ZNF521: variants seen among roughly 807,000 people sequenced by gnomAD.
ZNF521 encodes the protein zinc finger protein 521.
A neutral mutation model predicts 105.5 loss-of-function variants in ZNF521; 14 were observed. That is an observed-to-expected ratio of 0.13 (90% confidence interval 0.09 to 0.21). The LOEUF (loss-of-function observed/expected upper bound fraction) is 0.21, where lower values mean the gene tolerates loss of function less well. Among genes scored for constraint, ZNF521 ranks in the 10% least tolerant of loss-of-function variants. ZNF521 has a pLI of 1.00. For synonymous variants in ZNF521, 635 were observed against 606.0 expected, an observed-to-expected ratio of 1.05 and a Z score of -0.70; for missense variants, 1,233 against 1,629.7, an observed-to-expected ratio of 0.76 and a Z score of 4.19.
intron 5 of ZNF521, among the ~76,000 whole-genome samples, chr18:25,186,849 CCTTGT>C (rs2035730307): frequency 1.4e-5 from 2 of 147,850 alleles, no homozygotes; most frequent in South Asian, 4.2e-4. Context: ...GAGATAAAAA[CCTTGT>C]CTAGTAGAAA....
At chr18:25,301,556 T>C (rs1911642187) in intron 3 of ZNF521, among the ~76,000 whole-genome samples, 1 of 152,244 alleles carries the variant, frequency 6.6e-6, no homozygotes. Context: ...CCTCAAAGCC[T>C]GCTTTCATGC....
At chr18:25,195,045 T>C in intron 5 of ZNF521, 115 bp downstream of exon 5, 1 of 847,980 alleles carries the variant, frequency 1.2e-6, no homozygotes, top group Non-Finnish European at 1.8e-6. Context: ...AAATCAATCA[T>C]GCCGAGGAAA....
At chr18:25,336,001 C>G (rs1486151659) in intron 2 of ZNF521, among the ~76,000 whole-genome samples, 1 of 152,120 alleles carries the variant, frequency 6.6e-6, no homozygotes, top group Non-Finnish European at 1.5e-5. Flanking sequence ...TTAAAACAAC[C>G]TGAACAGTTA....
At chr18:25,248,593 C>G (rs1907895926) in intron 3 of ZNF521, among the ~76,000 whole-genome samples, 1 of 152,162 alleles carries the variant, frequency 6.6e-6, no homozygotes, top group Non-Finnish European at 1.5e-5. Context: ...ATCCTGTGTA[C>G]TTTTCTAGCT....
chr18:25,110,953 G>A (rs1173150942), intron 5 of ZNF521, among the ~76,000 whole-genome samples: 2 of 151,824 alleles, frequency 1.3e-5, no homozygotes, highest in Non-Finnish European at 2.9e-5. Context: ...AGTAGAGATG[G>A]GGTTTCACCA....
chr18:25,156,622 C>T (rs2035149964), intron 5 of ZNF521, among the ~76,000 whole-genome samples: 3 of 152,152 alleles, frequency 2.0e-5, no homozygotes, highest in Admixed American at 2.0e-4. Flanking sequence ...TTTTCTTCAT[C>T]TGATGACTGT....
At chr18:25,151,452 C>T (rs1180231568) in intron 5 of ZNF521, among the ~76,000 whole-genome samples, 1 of 152,122 alleles carries the variant, frequency 6.6e-6, no homozygotes, top group East Asian at 1.9e-4. Context: ...AGAAAAATAA[C>T]ATTCTGTTTA....
chr18:25,256,165 A>T lies in ZNF521; in HGVS notation c.221-28468T>A, dbSNP rs186517930. Among the ~76,000 whole-genome samples the T allele has an allele frequency of 2.6e-5, 4 of 152,000 alleles. No individual in the cohort carries two copies. In the East Asian group the frequency reaches 7.7e-4, roughly 29 times the overall value. On this transcript the variant is annotated intron_variant, in intron 3 of 7. Coordinates refer to ENST00000361524, the MANE Select transcript of ZNF521 (RefSeq NM_015461.3). ...AAGTGGAAAGTGCCAATATGAATAG[A>T]CAAATACCATATGATTCCAGTTATA...
intron 5 of ZNF521, among the ~76,000 whole-genome samples, chr18:25,096,854 G>C (rs183006059): frequency 6.6e-6 from 1 of 152,114 alleles, no homozygotes; most frequent in African/African-American, 2.4e-5. Flanking sequence ...CCATGTGGCC[G>C]GGGCCATACT....
At chr18:25,147,284 T>C (rs1423192661) in intron 5 of ZNF521, among the ~76,000 whole-genome samples, 1 of 152,198 alleles carries the variant, frequency 6.6e-6, no homozygotes, top group Admixed American at 6.5e-5. Context: ...TAATAGAGTC[T>C]AAGGGGGCAT....
chr18:25,264,582 TG>T (rs1385531972), intron 3 of ZNF521, among the ~76,000 whole-genome samples: 1 of 152,254 alleles, frequency 6.6e-6, no homozygotes, highest in African/African-American at 2.4e-5. Context: ...GTTCAATTTT[TG>T]TGATTCAAAT....
At chr18:25,066,857 T>C (rs2033075350) in intron 7 of ZNF521, among the ~76,000 whole-genome samples, 1 of 152,122 alleles carries the variant, frequency 6.6e-6, no homozygotes, top group Non-Finnish European at 1.5e-5. Context: ...ACCACTACAC[T>C]AGAACAAAGC....
At chr18:25,219,012 T>C (rs1276523792) in intron 4 of ZNF521, among the ~76,000 whole-genome samples, 1 of 152,174 alleles carries the variant, frequency 6.6e-6, no homozygotes, top group Non-Finnish European at 1.5e-5. Flanking sequence ...ACAATGAAGA[T>C]GAAGGCCTCA....
At chr18:25,243,677 C>T (rs1907505582) in intron 3 of ZNF521, among the ~76,000 whole-genome samples, 1 of 152,168 alleles carries the variant, frequency 6.6e-6, no homozygotes. Flanking sequence ...AATTTTACTT[C>T]AACGCAGGAC....
intron 2 of ZNF521, among the ~76,000 whole-genome samples, chr18:25,331,779 T>C (rs1301307318): frequency 2.0e-5 from 3 of 152,166 alleles, no homozygotes; most frequent in Non-Finnish European, 4.4e-5. Flanking sequence ...CTTGCTGCAA[T>C]GTAGCAATAC....
At chr18:25,103,341 G>A (rs1378611786) in intron 5 of ZNF521, among the ~76,000 whole-genome samples, 1 of 152,112 alleles carries the variant, frequency 6.6e-6, no homozygotes, top group Non-Finnish European at 1.5e-5. Flanking sequence ...CTGGGCTTGA[G>A]TGCTCCTTTA....
At chr18:25,300,813 CCTT>C (rs556537542) in intron 3 of ZNF521, among the ~76,000 whole-genome samples, 138 of 152,284 alleles carry the variant, frequency 9.1e-4, no homozygotes, top group Admixed American at 2.6e-3. Context: ...GCTCCTCCCT[CCTT>C]CTCTTTGATT....
At chr18:25,283,363 G>GA (rs1317040194) in intron 3 of ZNF521, among the ~76,000 whole-genome samples, 1 of 152,188 alleles carries the variant, frequency 6.6e-6, no homozygotes, top group African/African-American at 2.4e-5. Context: ...CACTTAGCAA[G>GA]AGTCAAAATC....
In ZNF521 at chr18:25,231,033, C is replaced by T. The variant is rs1380087099; in HGVS notation, c.221-3336G>A. Among the ~76,000 whole-genome samples the T allele has an allele frequency of 2.0e-5, 3 of 152,150 alleles. No individual in the cohort carries two copies. The East Asian group carries it at 5.8e-4, about 29-fold the overall frequency. On this transcript the variant is annotated intron_variant, in intron 3 of 7. Transcript: ENST00000361524. ...AAAGTAGAGCCGCCTGACTTTTCTC[C>T]AAGCAGACAGGAATGCCCATGATTC... is the stretch of plus-strand genomic sequence containing the variant.
Sources: gnomAD v4.1 joint callset for allele counts (sites outside exome capture counted in the v4.1 genomes callset) on GRCh38, gnomAD v4.1.1 for gene constraint, MANE v1.5 for transcripts, NCBI Gene and HGNC (gene_info 2026-07-23, HGNC 2026-07-21) for gene names.